PXT1: variants seen among roughly 807,000 people sequenced by gnomAD.
PXT1 encodes the protein peroxisomal testis-specific protein 1.
A neutral mutation model predicts 11.0 loss-of-function variants in PXT1; 11 were observed. The ratio of observed to expected loss-of-function variants is 1.00; its 90% CI spans 0.63 to 1.66. The LOEUF (loss-of-function observed/expected upper bound fraction) is 1.66. PXT1 is among the 40% of genes most tolerant of loss of function. PXT1 has a pLI of 0.00. For missense variants in PXT1, 141 were observed against 155.5 expected, an observed-to-expected ratio of 0.91 and a Z score of 0.49; for synonymous variants, 43 against 51.4, an observed-to-expected ratio of 0.84 and a Z score of 0.70.
intron 3 of PXT1, among the ~76,000 whole-genome samples, chr6:36,404,748 A>G (rs6457911): frequency 0.26 from 38,981 of 151,880 alleles, 5,048 homozygotes; most frequent in East Asian, 0.39. Flanking sequence ...ACCTGAGGTC[A>G]GGAGTTTGAG....
intron 2 of PXT1, among the ~76,000 whole-genome samples, chr6:36,436,763 A>C (rs894588815): frequency 2.6e-5 from 4 of 152,224 alleles, no homozygotes; most frequent in Admixed American, 2.6e-4. Flanking sequence ...AAGGAATATG[A>C]AAAATGCCAT....
At chr6:36,436,231 A>C (rs1774762537) in intron 2 of PXT1, among the ~76,000 whole-genome samples, 1 of 152,182 alleles carries the variant, frequency 6.6e-6, no homozygotes, top group Admixed American at 6.6e-5. Flanking sequence ...TGTCCTAAAA[A>C]AAAAGTGAGA....
In PXT1 at chr6:36,400,459, G is replaced by A. The variant is rs183075818; in HGVS notation, c.295C>T (p.Arg99Ter). 183 of 1,613,326 alleles carry A rather than the reference G, an allele frequency of 1.1e-4. 1 individual carries two copies. Among genetic ancestry groups the A allele is most frequent in the Non-Finnish European group, 1.4e-4 (168 of 1,179,546 alleles). ...TGGGGAAACTGAAGCCTCACCTCTCGAACCATCCTATGATCAATGTTGTCC... is the reference window on the plus strand; with the variant it reads ...TGGGGAAACTGAAGCCTCACCTCTCAAACCATCCTATGATCAATGTTGTCC... Reference protein sequence around the residue: ...IGDNIDHRMVREDLQQDGRDA... With the variant: ...IGDNIDHRMV Residue 99 changes from arginine to a stop codon, truncating the protein, a stop_gained, in exon 4 of 5, where the codon CGA becomes TGA. Transcript: ENST00000454782. LOFTEE classifies it low-confidence loss of function (END_TRUNC).
At chr6:36,423,470 G>T (rs1371508608) in intron 3 of PXT1, among the ~76,000 whole-genome samples, 3 of 152,212 alleles carry the variant, frequency 2.0e-5, no homozygotes, top group Admixed American at 2.0e-4. Flanking sequence ...GGCCAATGGG[G>T]AGCGCACATG....
intron 3 of PXT1, among the ~76,000 whole-genome samples, chr6:36,413,674 T>G (rs1337355938): frequency 6.6e-6 from 1 of 152,042 alleles, no homozygotes; most frequent in African/African-American, 2.4e-5. Context: ...CAATCTAGAA[T>G]TCTATGCCCA....
chr6:36,402,623 G>T (rs561910102), intron 3 of PXT1, among the ~76,000 whole-genome samples: 1 of 152,304 alleles, frequency 6.6e-6, no homozygotes, highest in East Asian at 1.9e-4. Context: ...ACAGACTGGG[G>T]AAGAGCCAGC....
chr6:36,437,780 T>C (rs1774788055), intron 2 of PXT1, among the ~76,000 whole-genome samples: 1 of 149,018 alleles, frequency 6.7e-6, no homozygotes, highest in African/African-American at 2.5e-5. Flanking sequence ...CCTCCCAATG[T>C]GCTGGGATTA....
chr6:36,392,012 A>G lies in PXT1; in HGVS notation c.301-138T>C, dbSNP rs1036818870. 3 of 618,874 alleles carry G rather than the reference A, an allele frequency of 4.8e-6. No individual in the cohort carries two copies. In the African/African-American group the frequency reaches 5.6e-5, roughly 11 times the overall value. The allele number at this position is 618,874 out of a possible 1,614,324, so 38.3% of individuals were successfully genotyped here. A position where few individuals can be genotyped will look rare whatever the true frequency, so the allele number is the denominator to read the frequency against. ...GCAAACAAGCTTCTTGGGTTGCTTT[A>G]TGAATTGTATGAGCTGAAGGACAGT... On this transcript the variant is annotated intron_variant, in intron 4 of 4. Transcript: ENST00000454782.
chr6:36,432,957 G>GA (rs576244410), intron 2 of PXT1, among the ~76,000 whole-genome samples: 32 of 151,818 alleles, frequency 2.1e-4, no homozygotes, highest in African/African-American at 7.2e-4. Flanking sequence ...CTTCTTAGGG[G>GA]AAAAAACCTG....
rs115805850 is a variant in PXT1, at chr6:36,396,718, T to C, written c.300+3736A>G. ...TGCACTGCCTCCCCTCTGAGGTCCA[T>C]ATAAGCCTTGGGCTCAGCCAGAGCA... On this transcript the variant is annotated intron_variant, in intron 4 of 4. Transcript: ENST00000454782. Among the ~76,000 whole-genome samples, 609 of 152,244 alleles carry C rather than the reference T, an allele frequency of 4.0e-3. 3 individuals carry two copies. The highest frequency in any genetic ancestry group is 0.013 in the African/African-American group (557 of 41,540).
intron 4 of PXT1, among the ~76,000 whole-genome samples, chr6:36,398,817 C>T (rs1471405158): frequency 6.6e-6 from 1 of 152,092 alleles, no homozygotes; most frequent in Non-Finnish European, 1.5e-5. Context: ...CCAGAGATGC[C>T]TTCCCTGACA....
intron 2 of PXT1, among the ~76,000 whole-genome samples, chr6:36,436,905 G>A (rs1457347727): frequency 1.3e-5 from 2 of 152,138 alleles, no homozygotes; most frequent in African/African-American, 4.8e-5. Context: ...TTGATAAGTA[G>A]GCTTCAACTA....
intron 4 of PXT1, among the ~76,000 whole-genome samples, chr6:36,396,961 C>T (rs1262215579): frequency 2.7e-5 from 4 of 149,624 alleles, no homozygotes; most frequent in South Asian, 2.1e-4. Flanking sequence ...GACATTGGGA[C>T]GACTAGTTGC....
rs1043324982 is a variant in PXT1 at position 36,390,888 on chromosome 6, T to C, written c.*882A>G. ...TGCCTAGTGATAGATTCATAACTCT[T>C]TCAGGTCTTACATTCTTCTAGAAGG... is the stretch of plus-strand genomic sequence containing the variant. On this transcript the variant is annotated 3_prime_UTR_variant, in exon 5 of 5. Coordinates refer to ENST00000454782, the MANE Select transcript of PXT1 (RefSeq NM_152990.4). The C allele has an allele frequency of 2.0e-5, 3 of 152,226 alleles. No homozygotes were observed. The highest frequency in any genetic ancestry group is 4.4e-5 in the Non-Finnish European group (3 of 68,042). 9.4% of individuals were successfully genotyped at this position (152,226 alleles called of 1,614,324 possible).
Position 36,441,814 on chromosome 6 carries a change from G to C in PXT1, c.-130+721C>G, listed in dbSNP as rs114573957. On this transcript the variant is annotated intron_variant, in intron 1 of 4. Transcript: ENST00000454782. Reference sequence around the variant, plus strand: ...TTCAGTTTTGAAAATTAAATTTTTTGACCCTGATAAAACAAATTTGCTATA... The same window carrying C: ...TTCAGTTTTGAAAATTAAATTTTTTCACCCTGATAAAACAAATTTGCTATA... Among the ~76,000 whole-genome samples the C allele has an allele frequency of 5.8e-3, 877 of 152,166 alleles. 8 individuals are homozygous for C. Among genetic ancestry groups the C allele is most frequent in the African/African-American group, 0.02 (832 of 41,524 alleles).
rs201849950 is a variant in PXT1, at chr6:36,409,824, TGGAAGGAAGGAA to T, written c.170-9252_170-9241del. Among the ~76,000 whole-genome samples, 81 of 97,668 alleles carry T rather than the reference TGGAAGGAAGGAA, an allele frequency of 8.3e-4. 1 individual carries two copies. Among genetic ancestry groups the T allele is most frequent in the Middle Eastern group, 4.5e-3 (1 of 222 alleles). The allele number at this position is 97,668 out of a possible 152,430, so 64.1% of individuals were successfully genotyped here. On this transcript the variant is annotated intron_variant, in intron 3 of 4. Coordinates refer to ENST00000454782, the MANE Select transcript of PXT1 (RefSeq NM_152990.4). ...CTGGGTGACAGAGCAAGACCCTGTC[TGGAAGGAAGGAA>T]GGAAGGAAGGAAGGAAGGAAGGAAG...
At chr6:36,412,694 C>T (rs1006865301) in intron 3 of PXT1, among the ~76,000 whole-genome samples, 6 of 150,030 alleles carry the variant, frequency 4.0e-5, no homozygotes, top group South Asian at 2.1e-4. Flanking sequence ...CTCCTGGATT[C>T]AAGCGATCCT....
chr6:36,422,561 G>A (rs368125812), intron 3 of PXT1, among the ~76,000 whole-genome samples: 8 of 152,228 alleles, frequency 5.3e-5, no homozygotes, highest in African/African-American at 1.7e-4. Context: ...GAAGGAACTG[G>A]TACTGTTTTT....
rs1368383804 is a variant in PXT1, at chr6:36,400,529, C to G, written c.225G>C (p.Gln75His). ...KEHSIVQKHH[Q>H]EEIIHKLAMQ... ...TGGCCAACTTGTGAATTATTTCCTC[C>G]TGGTGATGCTTCTGAACAATGCTAT... Residue 75 changes from glutamine to histidine, a missense_variant, in exon 4 of 5, where the codon CAG becomes CAC. Coordinates refer to ENST00000454782, the MANE Select transcript of PXT1 (RefSeq NM_152990.4). The G allele has an allele frequency of 6.2e-7, 1 of 1,613,952 alleles. No individual in the cohort carries two copies. Among genetic ancestry groups the G allele is most frequent in the African/African-American group, 1.3e-5 (1 of 75,020 alleles).
Sources: gnomAD v4.1 joint callset for allele counts (sites outside exome capture counted in the v4.1 genomes callset) on GRCh38, gnomAD v4.1.1 for gene constraint, MANE v1.5 for transcripts, NCBI Gene and HGNC (gene_info 2026-07-23, HGNC 2026-07-21) for gene names.